The following SLC43A2 variants were observed in gnomAD, a reference collection of about 807,000 sequenced individuals.
The protein encoded by SLC43A2 is solute carrier family 43 member 2, also known as large neutral amino acids transporter small subunit 4.
Under a neutral mutation model 63.2 loss-of-function variants are expected in SLC43A2, and 38 were observed. The ratio of observed to expected loss-of-function variants is 0.60; its 90% CI spans 0.46 to 0.79. The LOEUF (loss-of-function observed/expected upper bound fraction) is 0.79. Among genes scored for constraint, SLC43A2 ranks in the 30% least tolerant of loss-of-function variants. The pLI is 0.00. For missense variants in SLC43A2, 644 were observed against 756.2 expected, an observed-to-expected ratio of 0.85 and a Z score of 1.74; for synonymous variants, 322 against 331.0, an observed-to-expected ratio of 0.97 and a Z score of 0.30.
chr17:1,586,928 T>TCCCCCCCCCCCCCCCCCCCCCCCCCGGCC, intron 9 of SLC43A2: 1 of 1,232,914 alleles, frequency 8.1e-7, no homozygotes, highest in Non-Finnish European at 1.1e-6. Flanking sequence ...TCCCTGACAA[T>TCCCCCCCCCCCCCCCCCCCCCCCCCGGCC]CCCCCCCACC....
In SLC43A2 at chr17:1,609,055, T is replaced by C. The variant is rs560905275; in HGVS notation, c.501+4140A>G. On this transcript the variant is annotated intron_variant, in intron 5 of 13. Transcript: ENST00000301335. ...TACCAATAAAGAGGAGAAAAAATGC[T>C]CTGTCTCACTAATAATGAAATAAAT... Among the ~76,000 whole-genome samples, 8 of 152,316 alleles carry C rather than the reference T, an allele frequency of 5.3e-5. No individual in the cohort carries two copies. In the South Asian group the frequency reaches 1.7e-3, roughly 32 times the overall value.
At position 1,575,256 on chromosome 17, in the gene SLC43A2, C is replaced by T; in HGVS notation, c.*348G>A. ...GTGGCAGGCAGGGGATGGCAGCCCC[C>T]TCTGCTTTGGCAAGAGGCAGAATCC... On this transcript the variant is annotated 3_prime_UTR_variant, in exon 14 of 14. Transcript: ENST00000301335. 2.6e-6 allele frequency: 1 copy of T among 384,592 alleles called. No homozygotes were observed. Among genetic ancestry groups the T allele is most frequent in the Non-Finnish European group, 4.8e-6 (1 of 207,842 alleles). The allele number at this position is 384,592 out of a possible 1,614,324, so 23.8% of individuals were successfully genotyped here. A position where few individuals can be genotyped will look rare whatever the true frequency, so the allele number is the denominator to read the frequency against.
chr17:1,614,460 A>G (rs1907410525), intron 4 of SLC43A2, among the ~76,000 whole-genome samples: 1 of 47,198 alleles, frequency 2.1e-5, no homozygotes, highest in South Asian at 7.3e-4. Context: ...AACAGCAGCG[A>G]GCAGGAGGCC....
intron 11 of SLC43A2, among the ~76,000 whole-genome samples, chr17:1,580,318 G>T (rs1016652993): frequency 4.6e-5 from 7 of 152,326 alleles, no homozygotes; most frequent in African/African-American, 1.4e-4. Context: ...GCCACGGTGA[G>T]TGCATGTGCA....
At chr17:1,614,479 C>G (rs1907412848) in intron 4 of SLC43A2, among the ~76,000 whole-genome samples, 1 of 152,186 alleles carries the variant, frequency 6.6e-6, no homozygotes, top group Non-Finnish European at 1.5e-5. Flanking sequence ...CCTAAGAAAC[C>G]AAAAATACAG....
chr17:1,590,775 G>C (rs912493820), intron 9 of SLC43A2, 27 bp downstream of exon 9: 2 of 1,549,960 alleles, frequency 1.3e-6, no homozygotes, highest in Non-Finnish European at 1.7e-6. Flanking sequence ...GGGAGTGACA[G>C]CGACCGAGGC....
At chr17:1,602,355 T>C (rs768644063) in intron 5 of SLC43A2, among the ~76,000 whole-genome samples, 10 of 152,098 alleles carry the variant, frequency 6.6e-5, no homozygotes, top group Non-Finnish European at 1.5e-4. Context: ...TTAAAGACAT[T>C]CATTCACAGG....
intron 5 of SLC43A2, among the ~76,000 whole-genome samples, chr17:1,611,976 T>A (rs1326904529): frequency 1.3e-5 from 2 of 152,056 alleles, no homozygotes; most frequent in Non-Finnish European, 2.9e-5. Context: ...TTTTTGTTGT[T>A]GTTTTTGAGA....
Position 1,591,268 on chromosome 17 carries a change from C to G in SLC43A2, c.931+1G>C, listed in dbSNP as rs754010072. ...GCCCGGCTGCGGTCTCAGGCGGGTA[C>G]CTGCGGCATCCGGCTGGCACTTCAC... On this transcript the variant is annotated splice_donor_variant, in intron 8 of 13. Coordinates refer to ENST00000301335, the MANE Select transcript of SLC43A2 (RefSeq NM_152346.3). LOFTEE classifies it high-confidence loss of function. The G allele has an allele frequency of 1.2e-6, 2 of 1,603,042 alleles. No homozygotes were observed. The highest frequency in any genetic ancestry group is 1.7e-6 in the Non-Finnish European group (2 of 1,179,814).
chr17:1,585,876 C>G, intron 10 of SLC43A2, 37 bp downstream of exon 10: 1 of 1,612,718 alleles, frequency 6.2e-7, no homozygotes, highest in African/African-American at 1.3e-5. Context: ...GCAGGGGCTG[C>G]GGGCTGGGAG....
At chr17:1,590,132 C>T (rs1005504435) in intron 9 of SLC43A2, among the ~76,000 whole-genome samples, 3 of 152,166 alleles carry the variant, frequency 2.0e-5, no homozygotes, top group South Asian at 2.1e-4. Context: ...GTGTTTGTCC[C>T]GCCTGGGGAT....
At chr17:1,616,387 G>A (rs1907665894) in intron 3 of SLC43A2, 175 bp downstream of exon 3, 1 of 648,102 alleles carries the variant, frequency 1.5e-6, no homozygotes, top group Admixed American at 3.0e-5. Flanking sequence ...GCACGGCGAG[G>A]ACCACAGTAC....
intron 9 of SLC43A2, 125 bp downstream of exon 9, chr17:1,590,677 C>A: frequency 1.6e-6 from 2 of 1,234,190 alleles, no homozygotes; most frequent in Non-Finnish European, 1.1e-6. Flanking sequence ...GGGCAGACAG[C>A]TCCTGGGATG....
chr17:1,625,568 C>G (rs574945163), intron 2 of SLC43A2, among the ~76,000 whole-genome samples: 1 of 152,168 alleles, frequency 6.6e-6, no homozygotes, highest in South Asian at 2.1e-4. Context: ...ACCCTAACTT[C>G]GCCAGGCACT....
chr17:1,612,112 C>T (rs989596115), intron 5 of SLC43A2, among the ~76,000 whole-genome samples: 2 of 152,050 alleles, frequency 1.3e-5, no homozygotes, highest in Non-Finnish European at 2.9e-5. Flanking sequence ...TACAGGCATG[C>T]ACCACCCGCC....
chr17:1,626,850 GT>G (rs201220420), intron 2 of SLC43A2, among the ~76,000 whole-genome samples: 1,876 of 152,302 alleles, frequency 0.012, 23 homozygotes, highest in Middle Eastern at 0.024. Flanking sequence ...TCCTGTCAAG[GT>G]TGCCTAAGAA....
intron 2 of SLC43A2, among the ~76,000 whole-genome samples, chr17:1,617,318 C>T (rs1001216737): frequency 7.9e-5 from 12 of 152,330 alleles, no homozygotes; most frequent in East Asian, 1.9e-4. Context: ...GAGACTGCGG[C>T]GCCTCCTTCA....
At chr17:1,607,133 G>GCAA (rs72531703) in intron 5 of SLC43A2, among the ~76,000 whole-genome samples, 144,128 of 152,132 alleles carry the variant, frequency 0.95, 68,810 homozygotes, top group East Asian at 1. Context: ...GGCTTCCACA[G>GCAA]CGCCGTCCCC....
intron 5 of SLC43A2, among the ~76,000 whole-genome samples, chr17:1,597,877 C>G (rs1598462681): frequency 2.6e-5 from 4 of 152,246 alleles, no homozygotes. Flanking sequence ...ATGTGATGTG[C>G]TCACACGTGC....
Sources: gnomAD v4.1 joint callset for allele counts (sites outside exome capture counted in the v4.1 genomes callset) on GRCh38, gnomAD v4.1.1 for gene constraint, MANE v1.5 for transcripts, NCBI Gene and HGNC (gene_info 2026-07-23, HGNC 2026-07-21) for gene names.